Variants in SLC25A26 observed in about 807,000 individuals in gnomAD.
SLC25A26 encodes mitochondrial S-adenosylmethionine carrier protein.
In SLC25A26, 36 loss-of-function variants were observed where a neutral mutation model predicts 37.8. The ratio of observed to expected loss-of-function variants is 0.95; its 90% CI spans 0.73 to 1.26. The LOEUF (loss-of-function observed/expected upper bound fraction) is 1.26, where lower values mean the gene tolerates loss of function less well. Ranked by LOEUF, SLC25A26 falls within the 50% of genes most tolerant of loss-of-function variation. The pLI is 0.00. For missense variants in SLC25A26, 390 were observed against 331.1 expected, an observed-to-expected ratio of 1.18 and a Z score of -1.38; for synonymous variants, 129 against 122.5, an observed-to-expected ratio of 1.05 and a Z score of -0.35.
intron 5 of SLC25A26, 123 bp from the exon 6 acceptor site, chr3:66,346,239 CTG>C (rs767977862): frequency 7.8e-6 from 4 of 513,588 alleles, no homozygotes; most frequent in Non-Finnish European, 1.4e-5. Flanking sequence ...TCTACTATAA[CTG>C]TGAATTTGTT....
At chr3:66,141,035 T>G (rs2070025615) in intron 1 of SLC25A26, among the ~76,000 whole-genome samples, 1 of 147,274 alleles carries the variant, frequency 6.8e-6, no homozygotes, top group South Asian at 2.1e-4. Flanking sequence ...TTGTTACACT[T>G]CAGTATAGAA....
intron 7 of SLC25A26, among the ~76,000 whole-genome samples, chr3:66,367,689 C>T (rs961937562): frequency 2.8e-5 from 4 of 144,100 alleles, no homozygotes. Flanking sequence ...GATAGACAGA[C>T]AGACAGACAG....
chr3:66,263,945 G>A (rs1450010071), intron 5 of SLC25A26, among the ~76,000 whole-genome samples: 4 of 152,010 alleles, frequency 2.6e-5, no homozygotes, highest in East Asian at 2.0e-4. Flanking sequence ...GGCGTGAGTC[G>A]CCGCGCCCGG....
chr3:66,342,465 A>C (rs943422833), intron 5 of SLC25A26, among the ~76,000 whole-genome samples: 1 of 152,224 alleles, frequency 6.6e-6, no homozygotes, highest in Non-Finnish European at 1.5e-5. Context: ...TGTTAGGGCT[A>C]AATGATACCT....
intron 3 of SLC25A26, among the ~76,000 whole-genome samples, chr3:66,250,840 T>A (rs1249933160): frequency 6.6e-6 from 1 of 152,088 alleles, no homozygotes; most frequent in African/African-American, 2.4e-5. Context: ...ATTAAAAAAA[T>A]TGTGCATCTA....
chr3:66,344,245 C>G lies in SLC25A26; in HGVS notation c.454-2119C>G, dbSNP rs576453217. ...TACCAGGCCAAGGTGGGCGGATCAC[C>G]TGAGGTCAGGAGTTCGAGACCAGCC... On this transcript the variant is annotated intron_variant, in intron 5 of 9. Coordinates refer to ENST00000354883, the MANE Select transcript of SLC25A26 (RefSeq NM_001379210.1). 2.6e-5 allele frequency among the ~76,000 whole-genome samples: 4 copies of G among 152,042 alleles called. No homozygotes were observed. In the East Asian group the frequency reaches 7.8e-4, roughly 29 times the overall value.
At chr3:66,361,074 T>C (rs1236479111) in intron 6 of SLC25A26, among the ~76,000 whole-genome samples, 1 of 151,880 alleles carries the variant, frequency 6.6e-6, no homozygotes, top group Non-Finnish European at 1.5e-5. Flanking sequence ...TAATAGAGAG[T>C]TCAGAAATAG....
rs532362067 is a variant in SLC25A26 at position 66,283,508 on chromosome 3, C to T, written c.453+20129C>T. On this transcript the variant is annotated intron_variant, in intron 5 of 9. Transcript: ENST00000354883. ...CGTTGCCCAGGCTGGTCTCAAACTC[C>T]TGGGCTCAAGCAGTCTGCCTACCTT... Among the ~76,000 whole-genome samples the T allele has an allele frequency of 7.9e-5, 12 of 152,248 alleles. No homozygotes were observed. The East Asian group carries it at 1.7e-3, about 22-fold the overall frequency.
At chr3:66,163,697 T>C (rs1170335667) in intron 1 of SLC25A26, among the ~76,000 whole-genome samples, 3 of 152,210 alleles carry the variant, frequency 2.0e-5, no homozygotes, top group Non-Finnish European at 2.9e-5. Context: ...ACTGTCTTTA[T>C]AGTTCTGTCT....
chr3:66,135,033 G>T (rs2069926394), intron 1 of SLC25A26, among the ~76,000 whole-genome samples: 1 of 152,054 alleles, frequency 6.6e-6, no homozygotes, highest in South Asian at 2.1e-4. Context: ...GTTTCACCAT[G>T]TTGGTCAGGC....
intron 8 of SLC25A26, 150 bp from the exon 9 acceptor site, chr3:66,370,379 C>G (rs1389551389): frequency 1.3e-5 from 9 of 718,762 alleles, no homozygotes; most frequent in Non-Finnish European, 2.0e-5. Context: ...GCGAGCGAGC[C>G]AGGTCCTGAT....
rs2072393711 is a variant in SLC25A26 at position 66,238,253 on chromosome 3, A to C, written c.190+1553A>C. Among the ~76,000 whole-genome samples, 2 of 143,300 alleles carry C rather than the reference A, an allele frequency of 1.4e-5. 1 individual carries two copies. The highest frequency in any genetic ancestry group is 4.2e-4 in the South Asian group (2 of 4,778). 94.0% of individuals were successfully genotyped at this position (143,300 alleles called of 152,430 possible). A position where few individuals can be genotyped will look rare whatever the true frequency, so the allele number is the denominator to read the frequency against. ...CCTGTGCAGTCAAAAATCAGAATAT[A>C]ACTTTTGACTCCCCCAAAACTTAAC... On this transcript the variant is annotated intron_variant, in intron 2 of 9. Coordinates refer to ENST00000354883, the MANE Select transcript of SLC25A26 (RefSeq NM_001379210.1).
chr3:66,286,306 C>A (rs199794419), intron 5 of SLC25A26, among the ~76,000 whole-genome samples: 33 of 152,238 alleles, frequency 2.2e-4, no homozygotes, highest in East Asian at 7.7e-4. Context: ...ATGTTTTCTT[C>A]TAAAAGTTTT....
chr3:66,308,537 T>C (rs79644853), intron 5 of SLC25A26, among the ~76,000 whole-genome samples: 1 of 152,228 alleles, frequency 6.6e-6, no homozygotes, highest in Non-Finnish European at 1.5e-5. Context: ...TCCAGTACTA[T>C]GTTGAATAGG....
At chr3:66,271,198 C>G (rs752364732) in intron 5 of SLC25A26, among the ~76,000 whole-genome samples, 1 of 152,146 alleles carries the variant, frequency 6.6e-6, no homozygotes, top group African/African-American at 2.4e-5. Flanking sequence ...CATCTTTCTT[C>G]GTCTTCGTGA....
chr3:66,182,861 A>C (rs1265649674), intron 1 of SLC25A26, among the ~76,000 whole-genome samples: 1 of 152,062 alleles, frequency 6.6e-6, no homozygotes, highest in Admixed American at 6.5e-5. Flanking sequence ...GAAGGATGCA[A>C]CTGGGGAGGC....
At chr3:66,164,967 A>G (rs1200689382) in intron 1 of SLC25A26, among the ~76,000 whole-genome samples, 3 of 152,192 alleles carry the variant, frequency 2.0e-5, no homozygotes, top group Non-Finnish European at 4.4e-5. Flanking sequence ...GATGCCCCCA[A>G]TGATCCATGC....
chr3:66,322,057 G>T (rs1242985793), intron 5 of SLC25A26, among the ~76,000 whole-genome samples: 2 of 151,950 alleles, frequency 1.3e-5, no homozygotes, highest in African/African-American at 4.8e-5. Flanking sequence ...TGCCACATTG[G>T]GGATCAAATT....
At chr3:66,242,006 C>T (rs887681222) in intron 2 of SLC25A26, among the ~76,000 whole-genome samples, 1 of 152,014 alleles carries the variant, frequency 6.6e-6, no homozygotes, top group African/African-American at 2.4e-5. Flanking sequence ...CAACTTGGAA[C>T]CTGACTGTAC....
Sources: gnomAD v4.1 joint callset for allele counts (sites outside exome capture counted in the v4.1 genomes callset) on GRCh38, gnomAD v4.1.1 for gene constraint, MANE v1.5 for transcripts, NCBI Gene and HGNC (gene_info 2026-07-23, HGNC 2026-07-21) for gene names.